DOCK10: variants seen among roughly 807,000 people sequenced by gnomAD.
The protein encoded by DOCK10 is dedicator of cytokinesis protein 10.
DOCK10 carries 145 observed loss-of-function variants against 280.1 expected under a neutral mutation model. That is an observed-to-expected ratio of 0.52 (90% confidence interval 0.45 to 0.59). DOCK10 has a LOEUF of 0.59. Ranked by LOEUF, DOCK10 falls within the 20% of genes least tolerant of loss-of-function variation. The pLI is 0.00. For missense variants in DOCK10, 2,368 were observed against 2,651.7 expected (o/e 0.89, Z 2.35); for synonymous variants, 915 against 942.2 (o/e 0.97, Z 0.53).
At chr2:224,932,174 C>T (rs985447662) in intron 1 of DOCK10, among the ~76,000 whole-genome samples, 1 of 152,174 alleles carries the variant, frequency 6.6e-6, no homozygotes, top group African/African-American at 2.4e-5. Flanking sequence ...GGATTAATTG[C>T]TTGGCTCTGA....
Position 224,922,394 on chromosome 2 carries a change from T to G in DOCK10, c.244-5610A>C, listed in dbSNP as rs535890343. On this transcript the variant is annotated intron_variant, in intron 2 of 55. Transcript: ENST00000258390. Reference sequence around the variant, plus strand: ...CCTGTTCTCTTTTATAAAACTCTGGTCAACAATTAGTATAGCTCAATAGCA... The same window carrying G: ...CCTGTTCTCTTTTATAAAACTCTGGGCAACAATTAGTATAGCTCAATAGCA... Among the ~76,000 whole-genome samples, 455 of 152,308 alleles carry G rather than the reference T, an allele frequency of 3.0e-3. 1 individual carries two copies. Among genetic ancestry groups the G allele is most frequent in the Middle Eastern group, 6.8e-3 (2 of 294 alleles).
intron 23 of DOCK10, among the ~76,000 whole-genome samples, chr2:224,841,431 T>G (rs1470435660): frequency 2.0e-5 from 3 of 152,306 alleles, no homozygotes; most frequent in East Asian, 3.9e-4. Flanking sequence ...GCTGGTATTT[T>G]TTTCAGAACT....
intron 51 of DOCK10, among the ~76,000 whole-genome samples, chr2:224,775,544 C>T (rs999478906): frequency 1.3e-5 from 2 of 152,066 alleles, no homozygotes; most frequent in Non-Finnish European, 2.9e-5. Flanking sequence ...GGCACGATCT[C>T]GGCTCACTGC....
intron 1 of DOCK10, among the ~76,000 whole-genome samples, chr2:224,950,851 C>T (rs1010353754): frequency 1.3e-5 from 2 of 152,080 alleles, no homozygotes; most frequent in African/African-American, 4.8e-5. Flanking sequence ...CTTGAAGTTC[C>T]TTTACATATG....
At chr2:225,000,786 T>A (rs1039300173) in intron 1 of DOCK10, among the ~76,000 whole-genome samples, 2 of 152,144 alleles carry the variant, frequency 1.3e-5, no homozygotes, top group African/African-American at 4.8e-5. Flanking sequence ...TCGAGACCAG[T>A]CTGGCCTGGT....
rs1179215406 is a variant in DOCK10, at chr2:224,811,965, G to A, written c.3409+2355C>T. Among the ~76,000 whole-genome samples, 20 of 152,308 alleles carry A rather than the reference G, an allele frequency of 1.3e-4. No homozygotes were observed. In the East Asian group the frequency reaches 3.9e-3, roughly 29 times the overall value. On this transcript the variant is annotated intron_variant, in intron 31 of 55. Transcript: ENST00000258390. ...TTTGGCTTAGGATTGACTTGGCAAT[G>A]TGGGCTCTTTTTTGGTTGCATATGA...
intron 22 of DOCK10, among the ~76,000 whole-genome samples, chr2:224,842,179 T>G (rs773738707): frequency 1.4e-4 from 21 of 152,244 alleles, no homozygotes; most frequent in Non-Finnish European, 2.9e-4. Context: ...CCCTTGGTTG[T>G]GCTTTTTGTG....
Position 224,841,809 on chromosome 2 carries a change from A to G in DOCK10, c.2656T>C (p.Cys886Arg), listed in dbSNP as rs1695980797. Residue 886 changes from cysteine to arginine, a missense_variant, in exon 23 of 56, where the codon TGT becomes CGT. Cys to Arg is a radical substitution (Grantham distance 180). Coordinates refer to ENST00000258390, the MANE Select transcript of DOCK10 (RefSeq NM_014689.3). Reference protein sequence around the residue: ...QSPTSNFIRSCKNLLNVEKIH... With the variant: ...QSPTSNFIRSRKNLLNVEKIH... ...CTGCTTGCATGTCATGTTACCTTAC[A>G]AGAGCGGATGAAATTTGAGGTAGGT... 6.2e-7 allele frequency: 1 copy of G among 1,608,332 alleles called. No homozygotes were observed. Among genetic ancestry groups the G allele is most frequent in the Non-Finnish European group, 8.5e-7 (1 of 1,174,796 alleles).
chr2:224,906,429 T>C (rs1700640758), intron 3 of DOCK10, among the ~76,000 whole-genome samples: 1 of 152,214 alleles, frequency 6.6e-6, no homozygotes, highest in Admixed American at 6.5e-5. Flanking sequence ...AGTTGTTTCT[T>C]CTGACAGGCA....
chr2:225,023,428 GA>G (rs34891052), intron 1 of DOCK10, among the ~76,000 whole-genome samples: 2,028 of 152,150 alleles, frequency 0.013, 48 homozygotes, highest in African/African-American at 0.046. Flanking sequence ...GTCAGATGGG[GA>G]AAAAAAGTGG....
chr2:224,824,429 C>T (rs1315812258), intron 27 of DOCK10, among the ~76,000 whole-genome samples: 11 of 63,574 alleles, frequency 1.7e-4, no homozygotes, highest in Admixed American at 5.4e-4. Flanking sequence ...TCAGACTCTG[C>T]TTTTTTTTTT....
rs111502087 is a variant in DOCK10 at position 224,886,897 on chromosome 2, A to G, written c.417-366T>C. ...ATGCAGCACCCCCAACACCCCCCCA[A>G]GTAGTACCTGGGATTACAGGCATGT... On this transcript the variant is annotated intron_variant, in intron 4 of 55. Transcript: ENST00000258390. Among the ~76,000 whole-genome samples the G allele has an allele frequency of 3.1e-4, 31 of 100,884 alleles. 1 individual carries two copies. Among genetic ancestry groups the G allele is most frequent in the Non-Finnish European group, 5.3e-4 (28 of 52,434 alleles). The allele number at this position is 100,884 out of a possible 152,430, so 66.2% of individuals were successfully genotyped here.
At chr2:224,948,184 A>G (rs1703534624) in intron 1 of DOCK10, among the ~76,000 whole-genome samples, 1 of 152,160 alleles carries the variant, frequency 6.6e-6, no homozygotes, top group African/African-American at 2.4e-5. Flanking sequence ...TGAGCCATTC[A>G]CCTGTCTCTA....
At chr2:224,787,234 T>G (rs751725026) in intron 49 of DOCK10, 41 bp downstream of exon 49, 4 of 1,612,568 alleles carry the variant, frequency 2.5e-6, no homozygotes. Flanking sequence ...CAATTCAACA[T>G]AGGATATTTT....
intron 4 of DOCK10, among the ~76,000 whole-genome samples, chr2:224,886,886 A>ACCCCCCC (rs879598680): frequency 6.7e-4 from 90 of 135,210 alleles, no homozygotes; most frequent in African/African-American, 2.2e-3. Context: ...AGCACCCCCA[A>ACCCCCCC]CACCCCCCCA....
In DOCK10 at chr2:224,862,738, T is replaced by C; in HGVS notation, c.1611A>G (p.Gln537=). ...IKNPDSNKYA[Q]KILKSNRQFC... is the part of the protein sequence containing the mutation. ...ATTGTCTGTTGGATTTTAGTATCTT[T>C]TGTGCATACTAAAGAAAAAATAAAT... Residue 537 remains glutamine (Q), a synonymous_variant, in exon 14 of 56, where the codon CAA becomes CAG. Coordinates refer to ENST00000258390, the MANE Select transcript of DOCK10 (RefSeq NM_014689.3). The C allele has an allele frequency of 6.3e-7, 1 of 1,595,432 alleles. No homozygotes were observed. The highest frequency in any genetic ancestry group is 8.6e-7 in the Non-Finnish European group (1 of 1,168,388).
intron 1 of DOCK10, among the ~76,000 whole-genome samples, chr2:224,979,414 C>T (rs1420657180): frequency 1.3e-5 from 2 of 152,178 alleles, no homozygotes; most frequent in Non-Finnish European, 2.9e-5. Flanking sequence ...GGCTCTTAAC[C>T]TCTGGGCCTG....
At chr2:224,925,578 C>T (rs1019838230) in intron 2 of DOCK10, among the ~76,000 whole-genome samples, 1 of 152,146 alleles carries the variant, frequency 6.6e-6, no homozygotes, top group Non-Finnish European at 1.5e-5. Flanking sequence ...GCTTCTTATT[C>T]GTATTGGTGT....
At chr2:224,917,101 C>CTTTTTTTTTTTTGTTTTTTTTTTTTTTTT (rs1701376293) in intron 2 of DOCK10, among the ~76,000 whole-genome samples, 1 of 95,774 alleles carries the variant, frequency 1.0e-5, no homozygotes, top group Non-Finnish European at 1.9e-5. Context: ...CTATTGGAAT[C>CTTTTTTTTTTTTGTTTTTTTTTTTTTTTT]TTTTTTTTTT....
Sources: allele counts gnomAD v4.1 joint callset (sites outside exome capture counted in the v4.1 genomes callset), GRCh38; gene constraint gnomAD v4.1.1; transcripts MANE v1.5; gene names NCBI Gene and HGNC (gene_info 2026-07-23, HGNC 2026-07-21).